LAMA2: variants seen among roughly 807,000 people sequenced by gnomAD.
The protein encoded by LAMA2 is laminin subunit alpha-2.
In LAMA2, 269 loss-of-function variants were observed where a neutral mutation model predicts 364.8. That is an observed-to-expected ratio of 0.74 (90% CI 0.67 to 0.82). The LOEUF is 0.82. Ranked by LOEUF, LAMA2 falls within the 40% of genes least tolerant of loss-of-function variation. The pLI is 0.00. For missense variants in LAMA2, 3,807 were observed against 3,873.2 expected (o/e 0.98, Z 0.45); for synonymous variants, 1,379 against 1,370.6 (o/e 1.01, Z -0.14).
chr6:129,241,601 C>A (rs1218927075), intron 12 of LAMA2, among the ~76,000 whole-genome samples: 1 of 152,130 alleles, frequency 6.6e-6, no homozygotes, highest in Non-Finnish European at 1.5e-5. Flanking sequence ...TTCCCAAGGG[C>A]CTTGTAGTGC....
intron 2 of LAMA2, among the ~76,000 whole-genome samples, chr6:129,059,268 A>G (rs556004673): frequency 2.3e-4 from 35 of 152,296 alleles, no homozygotes; most frequent in African/African-American, 8.4e-4. Flanking sequence ...ATTTAACAGC[A>G]TTTTATGTTA....
intron 4 of LAMA2, among the ~76,000 whole-genome samples, chr6:129,106,493 T>C (rs1775832063): frequency 6.6e-6 from 1 of 152,156 alleles, no homozygotes; most frequent in Admixed American, 6.5e-5. Context: ...GTATTACTAA[T>C]TTGTATTGGT....
intron 1 of LAMA2, among the ~76,000 whole-genome samples, chr6:128,948,914 C>T (rs752849552): frequency 2.4e-4 from 36 of 152,100 alleles, no homozygotes; most frequent in Non-Finnish European, 4.6e-4. Context: ...GAACAGAGAA[C>T]CAATTAAATA....
chr6:129,114,783 C>T (rs1484470886), intron 4 of LAMA2, among the ~76,000 whole-genome samples: 1 of 151,972 alleles, frequency 6.6e-6, no homozygotes, highest in East Asian at 1.9e-4. Context: ...GTTTACATCA[C>T]ATAAACATAT....
At chr6:129,033,600 T>G (rs1356024878) in intron 1 of LAMA2, among the ~76,000 whole-genome samples, 5 of 152,320 alleles carry the variant, frequency 3.3e-5, no homozygotes, top group Non-Finnish European at 7.4e-5. Flanking sequence ...GTACCTTTTT[T>G]TGGTTTAAGG....
intron 40 of LAMA2, among the ~76,000 whole-genome samples, chr6:129,419,327 G>A (rs1007078848): frequency 2.0e-5 from 3 of 152,050 alleles, no homozygotes; most frequent in African/African-American, 4.8e-5. Flanking sequence ...TCTACCCGTA[G>A]GTAGAATAAT....
chr6:128,992,746 C>T (rs9492180), intron 1 of LAMA2, among the ~76,000 whole-genome samples: 3,735 of 152,210 alleles, frequency 0.025, 140 homozygotes, highest in African/African-American at 0.086. Context: ...TAGGAAGACA[C>T]CAGCTCTTTG....
intron 1 of LAMA2, among the ~76,000 whole-genome samples, chr6:128,998,313 G>A (rs1456353571): frequency 6.6e-6 from 1 of 152,218 alleles, no homozygotes; most frequent in Non-Finnish European, 1.5e-5. Context: ...GAGGAGCAAA[G>A]TTGATGCACA....
chr6:129,326,261 A>T (rs1286457316), intron 28 of LAMA2, among the ~76,000 whole-genome samples: 2 of 151,792 alleles, frequency 1.3e-5, no homozygotes, highest in South Asian at 4.2e-4. Context: ...TCGGGCCTCA[A>T]CTCTCCCCCA....
intron 1 of LAMA2, among the ~76,000 whole-genome samples, chr6:128,926,577 C>T (rs1383709351): frequency 6.6e-6 from 1 of 152,118 alleles, no homozygotes; most frequent in Non-Finnish European, 1.5e-5. Flanking sequence ...TATAAAAATC[C>T]AGAATAACAG....
chr6:128,895,847 C>A (rs1286040957), intron 1 of LAMA2, among the ~76,000 whole-genome samples: 1 of 152,028 alleles, frequency 6.6e-6, no homozygotes, highest in Non-Finnish European at 1.5e-5. Flanking sequence ...TTATTTCTAG[C>A]CTTTGAAGTT....
intron 10 of LAMA2, among the ~76,000 whole-genome samples, chr6:129,183,847 A>G (rs753372811): frequency 2.0e-5 from 3 of 151,856 alleles, no homozygotes; most frequent in Non-Finnish European, 4.4e-5. Flanking sequence ...TATGGACCCT[A>G]TATATTTTCT....
In LAMA2 at chr6:129,383,143, G is replaced by A; in HGVS notation, c.4981G>A (p.Gly1661Ser). 1 of 1,613,812 alleles carries A rather than the reference G, an allele frequency of 6.2e-7. No homozygotes were observed. Among genetic ancestry groups the A allele is most frequent in the Non-Finnish European group, 8.5e-7 (1 of 1,179,886 alleles). Residue 1661 changes from glycine (G) to serine (S), a missense_variant, in exon 35 of 65, where the codon GGC becomes AGC. Gly to Ser is a moderately conservative substitution (Grantham distance 56, BLOSUM62 0). Around this residue, in one of 3 missense-constraint regions of LAMA2, gnomAD observed 3,333 missense variants for 3,345.7 expected, o/e 1.00. Coordinates refer to ENST00000421865, the MANE Select transcript of LAMA2 (RefSeq NM_000426.4). ...LTRATKVTAD[G>S]EQTGQDAERT... ...TTAGGCTACCAAAGTGACAGCAGAT[G>A]GCGAGCAGACCGGACAGGATGCTGA...
At chr6:129,144,524 A>T (rs1022999455) in intron 5 of LAMA2, among the ~76,000 whole-genome samples, 9 of 152,002 alleles carry the variant, frequency 5.9e-5, no homozygotes, top group African/African-American at 2.2e-4. Context: ...ACACATACAG[A>T]GAGCAGTATG....
chr6:129,038,621 C>T (rs1001468525), intron 1 of LAMA2, among the ~76,000 whole-genome samples: 1 of 152,164 alleles, frequency 6.6e-6, no homozygotes, highest in African/African-American at 2.4e-5. Context: ...ACTATCTCTA[C>T]TCCTATCATT....
intron 12 of LAMA2, among the ~76,000 whole-genome samples, chr6:129,219,527 C>G (rs527386552): frequency 6.6e-6 from 1 of 150,780 alleles, no homozygotes; most frequent in Admixed American, 6.6e-5. Context: ...CACATGCACA[C>G]GTATGTTTAT....
chr6:129,260,645 A>T lies in LAMA2; in HGVS notation c.2097-66A>T. The T allele has an allele frequency of 5.2e-6, 5 of 957,910 alleles. No homozygotes were observed. The South Asian group carries it at 6.4e-5, about 12-fold the overall frequency. 59.3% of individuals were successfully genotyped at this position (957,910 alleles called of 1,614,324 possible). On this transcript the variant is annotated intron_variant, in intron 14 of 64. Coordinates refer to ENST00000421865, the MANE Select transcript of LAMA2 (RefSeq NM_000426.4). Reference sequence around the variant, plus strand: ...ATATTTATGTCATTGTTGCTGTACGATTCCTACAGCTGTATAATACCTAAG... The same window carrying T: ...ATATTTATGTCATTGTTGCTGTACGTTTCCTACAGCTGTATAATACCTAAG...
Position 129,404,057 on chromosome 6 carries a change from T to C in LAMA2, c.5865+98T>C. On this transcript the variant is annotated intron_variant, in intron 40 of 64. Transcript: ENST00000421865. ...GGAAAATCCCAGTAAATTGGTATAT[T>C]TGTTTTGGGTTATTTTTGAAGACCT... The C allele has an allele frequency of 3.7e-6, 5 of 1,354,926 alleles. 1 individual carries two copies. In the South Asian group the frequency reaches 6.2e-5, roughly 17 times the overall value. The allele number at this position is 1,354,926 out of a possible 1,614,324, so 83.9% of individuals were successfully genotyped here.
intron 28 of LAMA2, among the ~76,000 whole-genome samples, chr6:129,322,967 G>T (rs1775057456): frequency 6.6e-6 from 1 of 152,272 alleles, no homozygotes; most frequent in South Asian, 2.1e-4. Context: ...TGTACAAATT[G>T]TCATCTGCAT....
Sources: allele counts gnomAD v4.1 joint callset (sites outside exome capture counted in the v4.1 genomes callset), GRCh38; gene constraint gnomAD v4.1.1; regional missense constraint gnomAD v4.1.1; transcripts MANE v1.5; gene names NCBI Gene and HGNC (gene_info 2026-07-23, HGNC 2026-07-21).